PABIR3: variants seen among roughly 807,000 people sequenced by gnomAD.
PABIR3 encodes PABIR family member 1.
PABIR3 carries 20 observed loss-of-function variants against 23.1 expected under a neutral mutation model. The observed-to-expected ratio is 0.86, with a 90% CI of 0.61 to 1.26. PABIR3 has a LOEUF of 1.26. PABIR3 is among the 50% of genes most tolerant of loss of function. PABIR3 has a pLI of 0.00. For synonymous variants in PABIR3, 69 were observed against 68.5 expected, an observed-to-expected ratio of 1.01 and a Z score of -0.04; for missense variants, 189 against 195.4, an observed-to-expected ratio of 0.97 and a Z score of 0.20.
At chrX:134,801,043 T>G (rs761543394) in intron 1 of PABIR3, among the ~76,000 whole-genome samples, 2 of 112,508 alleles carry the variant, frequency 1.8e-5, no homozygotes, top group African/African-American at 6.5e-5. Flanking sequence ...GGCGCCATTG[T>G]GATAGGGCAA....
At chrX:134,832,075 C>T (rs1217227619) in intron 4 of PABIR3, among the ~76,000 whole-genome samples, 1 of 110,601 alleles carries the variant, frequency 9.0e-6, no homozygotes, top group Non-Finnish European at 1.9e-5. Context: ...GTCAGGAGTT[C>T]GAGACCAGTC....
At position 134,814,839 on chromosome X, in the gene PABIR3, G is replaced by A. The variant is rs375425712; in HGVS notation, c.179G>A (p.Arg60Gln). 7 of 1,192,723 alleles carry A rather than the reference G, an allele frequency of 5.9e-6. No individual in the cohort carries two copies. The East Asian group carries it at 1.2e-4, about 20-fold the overall frequency. ...ACAAACAGAACAACATTTAGGAATC[G>A]ACGCTCTCTGGTAAGGAAATGCTTA... ...IRTNRTTFRN[R>Q]RSLLLPPPPF... Residue 60 changes from arginine to glutamine, a missense_variant, in exon 3 of 11, where the codon CGA becomes CAA. Arg to Gln is a conservative substitution (Grantham distance 43). Coordinates refer to ENST00000645433, the MANE Select transcript of PABIR3 (RefSeq NM_001388447.1).
At chrX:134,822,075 C>T in intron 3 of PABIR3, 1 of 754,479 alleles carries the variant, frequency 1.3e-6, no homozygotes, top group East Asian at 1.5e-4. Flanking sequence ...TCCCTAACCT[C>T]CCGCTACTTC....
chrX:134,817,591 G>A (rs1408181949), intron 3 of PABIR3, among the ~76,000 whole-genome samples: 1 of 108,208 alleles, frequency 9.2e-6, no homozygotes, highest in Non-Finnish European at 1.9e-5. Flanking sequence ...AATATTCCTG[G>A]TAGAAAACAG....
intron 9 of PABIR3, among the ~76,000 whole-genome samples, chrX:134,850,713 A>C (rs12007251): frequency 2.7e-5 from 3 of 112,256 alleles, no homozygotes; most frequent in Non-Finnish European, 5.6e-5. Flanking sequence ...ATGATTGAAA[A>C]ATTATTTTTA....
At chrX:134,803,575 G>A (rs938857432), upstream of PABIR3, among the ~76,000 whole-genome samples, 4 of 112,151 alleles carry the variant, frequency 3.6e-5, no homozygotes, top group African/African-American at 1.3e-4. Flanking sequence ...TGCAGTATGA[G>A]GGATTTGTAA....
intron 3 of PABIR3, among the ~76,000 whole-genome samples, chrX:134,815,094 C>G (rs1370726958): frequency 1.8e-5 from 2 of 111,805 alleles, no homozygotes; most frequent in East Asian, 2.8e-4. Context: ...AACACATTGA[C>G]TACAGTTATG....
chrX:134,830,140 G>A (rs1015737409), intron 4 of PABIR3, among the ~76,000 whole-genome samples: 1 of 109,808 alleles, frequency 9.1e-6, no homozygotes, highest in African/African-American at 3.3e-5. Flanking sequence ...CCAGATTACT[G>A]GATTATTTTC....
At chrX:134,829,421 CAAAA>C (rs779973197) in intron 4 of PABIR3, 139 bp downstream of exon 4, 40 of 397,376 alleles carry the variant, frequency 1.0e-4, no homozygotes, top group Non-Finnish European at 1.3e-4. Flanking sequence ...ATGATTTCTT[CAAAA>C]AAAAAACAAA....
upstream of PABIR3, chrX:134,804,076 CAT>C (rs969035736): frequency 6.4e-5 from 28 of 440,159 alleles, no homozygotes; most frequent in Non-Finnish European, 1.1e-4. Flanking sequence ...CTGATTATCA[CAT>C]GTTTGTTGGT....
chrX:134,809,060 TA>T, intron 2 of PABIR3: 1 of 127,123 alleles, frequency 7.9e-6, no homozygotes, highest in Non-Finnish European at 1.6e-5. Context: ...GAAAAATGTC[TA>T]AAAAGGCTTT....
chrX:134,840,593 T>A (rs2082197812), intron 4 of PABIR3, among the ~76,000 whole-genome samples: 1 of 110,974 alleles, frequency 9.0e-6, no homozygotes, highest in African/African-American at 3.3e-5. Flanking sequence ...TCAGGTGACG[T>A]CACCTGCCTA....
At chrX:134,852,349 C>A (rs958032794) in intron 9 of PABIR3, among the ~76,000 whole-genome samples, 1 of 110,786 alleles carries the variant, frequency 9.0e-6, no homozygotes, top group African/African-American at 3.3e-5. Context: ...GTGGTTTGCA[C>A]CTGTAATCCC....
At chrX:134,802,024 A>AC (rs2080079350) in intron 1 of PABIR3, among the ~76,000 whole-genome samples, 1 of 62,319 alleles carries the variant, frequency 1.6e-5, no homozygotes, top group Non-Finnish European at 3.2e-5. Flanking sequence ...CGCCGCCCCC[A>AC]CCCCCCTGCC....
rs1210506362 is a variant in PABIR3 at position 134,836,792 on chromosome X, C to T, written c.246+7510C>T. On this transcript the variant is annotated intron_variant, in intron 4 of 10. Coordinates refer to ENST00000645433, the MANE Select transcript of PABIR3 (RefSeq NM_001388447.1). ...ACACAATTCAACCCATAACAGTCTGCTCACAGTTTTTTGTTATATAGCTTT... is the reference window on the plus strand; with the variant it reads ...ACACAATTCAACCCATAACAGTCTGTTCACAGTTTTTTGTTATATAGCTTT... Among the ~76,000 whole-genome samples the T allele has an allele frequency of 3.6e-5, 4 of 111,919 alleles. No homozygotes were observed. In the Admixed American group the frequency reaches 3.8e-4, roughly 11 times the overall value.
intron 4 of PABIR3, among the ~76,000 whole-genome samples, chrX:134,833,396 C>A (rs1002063766): frequency 9.0e-6 from 1 of 110,829 alleles, no homozygotes; most frequent in African/African-American, 3.3e-5. Context: ...TTATGCATAA[C>A]AAATTACCTT....
At chrX:134,839,266 C>T (rs1200877980) in intron 4 of PABIR3, 6 of 115,821 alleles carry the variant, frequency 5.2e-5, no homozygotes. Flanking sequence ...TCTTCCCGGC[C>T]GCCATCCCAT....
intron 8 of PABIR3, among the ~76,000 whole-genome samples, chrX:134,848,935 G>A (rs957596157): frequency 4.5e-5 from 5 of 111,582 alleles, no homozygotes; most frequent in Non-Finnish European, 7.5e-5. Context: ...CCCAGGAGGC[G>A]GAGGCTGCAG....
chrX:134,798,055 A>C (rs777316595), intron 1 of PABIR3, among the ~76,000 whole-genome samples: 1 of 111,738 alleles, frequency 8.9e-6, no homozygotes, highest in Non-Finnish European at 1.9e-5. Flanking sequence ...TCCTGACCTC[A>C]GGTGATCCAC....
Sources: allele counts gnomAD v4.1 joint callset (sites outside exome capture counted in the v4.1 genomes callset), GRCh38; gene constraint gnomAD v4.1.1; transcripts MANE v1.5; gene names NCBI Gene and HGNC (gene_info 2026-07-23, HGNC 2026-07-21).